Variants in SPINK5 observed in about 807,000 individuals in gnomAD.
The protein encoded by SPINK5 is serine protease inhibitor Kazal-type 5.
SPINK5 carries 125 observed loss-of-function variants against 151.8 expected under a neutral mutation model. The ratio of observed to expected loss-of-function variants is 0.82; its 90% confidence interval spans 0.71 to 0.96. The LOEUF is 0.96. SPINK5 is among the 40% of genes least tolerant of loss of function. The probability of loss-of-function intolerance (pLI) is 0.00; values close to 1 mark genes in which losing one functional copy is unlikely to be tolerated. For synonymous variants in SPINK5, 374 were observed against 395.3 expected (o/e 0.95, Z 0.64); for missense variants, 1,194 against 1,291.9 (o/e 0.92, Z 1.16).
intron 31 of SPINK5, 70 bp from the exon 32 acceptor site, chr5:148,133,727 G>T (rs1482456303): frequency 6.7e-7 from 1 of 1,489,584 alleles, no homozygotes; most frequent in African/African-American, 1.4e-5. Context: ...CCTGCATGTT[G>T]GTCCTTATTT....
Position 148,101,339 on chromosome 5 carries a change from A to G in SPINK5, c.1221-16A>G, listed in dbSNP as rs1167085296. ...CTATGATTTTTACTTATCTCTTCTT[A>G]ACCATCCTTTTTTAGCCAAGCAGAA... is the stretch of plus-strand genomic sequence containing the variant. On this transcript the variant is annotated splice_polypyrimidine_tract_variant and intron_variant, in intron 13 of 32. Coordinates refer to ENST00000256084, the MANE Select transcript of SPINK5 (RefSeq NM_006846.4). 1 of 1,573,788 alleles carries G rather than the reference A, an allele frequency of 6.4e-7. No homozygotes were observed. The highest frequency in any genetic ancestry group is 1.1e-5 in the South Asian group (1 of 90,342).
At chr5:148,077,144 A>C (rs1287065983) in intron 4 of SPINK5, among the ~76,000 whole-genome samples, 1 of 151,182 alleles carries the variant, frequency 6.6e-6, no homozygotes, top group East Asian at 2.0e-4. Context: ...AATAGGATAA[A>C]TATGAAGAGA....
intron 8 of SPINK5, among the ~76,000 whole-genome samples, chr5:148,091,893 G>C (rs1753321232): frequency 6.6e-6 from 1 of 151,498 alleles, no homozygotes; most frequent in Non-Finnish European, 1.5e-5. Flanking sequence ...AGCACTTTAG[G>C]TAATGCAGCC....
chr5:148,119,871 C>G lies in SPINK5; in HGVS notation c.2314-138C>G. 4 of 868,910 alleles carry G rather than the reference C, an allele frequency of 4.6e-6. No individual in the cohort carries two copies. In the South Asian group the frequency reaches 4.7e-5, roughly 10 times the overall value. The allele number at this position is 868,910 out of a possible 1,614,324, so 53.8% of individuals were successfully genotyped here. ...CAGGAATTAGAACATAGACGTCTCT[C>G]TCTGTGGGACATTATTTTGCCTATC... On this transcript the variant is annotated intron_variant, in intron 24 of 32. Coordinates refer to ENST00000256084, the MANE Select transcript of SPINK5 (RefSeq NM_006846.4).
intron 4 of SPINK5, among the ~76,000 whole-genome samples, chr5:148,081,661 A>G (rs552062660): frequency 1.3e-5 from 2 of 151,788 alleles, no homozygotes; most frequent in East Asian, 3.9e-4. Flanking sequence ...TCGTAGGGTG[A>G]TGAAAATATT....
At position 148,119,200 on chromosome 5, in the gene SPINK5, C is replaced by A. The variant is rs9325075; in HGVS notation, c.2313+142C>A. 575,332 of 733,628 alleles carry A rather than the reference C, an allele frequency of 0.78. 227,063 individuals carry two copies. Among genetic ancestry groups the A allele is most frequent in the East Asian group, 0.91 (33,287 of 36,632 alleles). The allele number at this position is 733,628 out of a possible 1,614,324, so 45.4% of individuals were successfully genotyped here. Reference sequence around the variant, plus strand: ...AGGAGTTACCAAGTTATCAGTGACTCTCACTGATAACTTGTTCAGTGAAGA... The same window carrying A: ...AGGAGTTACCAAGTTATCAGTGACTATCACTGATAACTTGTTCAGTGAAGA... On this transcript the variant is annotated intron_variant, in intron 24 of 32. Transcript: ENST00000256084.
chr5:148,094,641 C>T (rs1027818761), intron 9 of SPINK5, among the ~76,000 whole-genome samples, 160 bp downstream of exon 9: 4 of 151,948 alleles, frequency 2.6e-5, no homozygotes, highest in African/African-American at 9.7e-5. Context: ...AGTGAGCAGG[C>T]ACTACTGATG....
chr5:148,134,850 A>G (rs1375862284), intron 32 of SPINK5, among the ~76,000 whole-genome samples: 1 of 151,996 alleles, frequency 6.6e-6, no homozygotes, highest in Non-Finnish European at 1.5e-5. Flanking sequence ...CCACTGCCAC[A>G]AAAAGCTTTG....
intron 4 of SPINK5, among the ~76,000 whole-genome samples, chr5:148,082,309 TTA>T (rs1479382414): frequency 6.6e-6 from 1 of 151,244 alleles, no homozygotes; most frequent in African/African-American, 2.4e-5. Flanking sequence ...TTTAAAAAAT[TTA>T]TGACAAATAT....
chr5:148,117,040 A>G (rs1273011443), intron 22 of SPINK5, among the ~76,000 whole-genome samples: 1 of 152,214 alleles, frequency 6.6e-6, no homozygotes, highest in East Asian at 1.9e-4. Flanking sequence ...GGCATTTTTA[A>G]GTGTCAGCAT....
chr5:148,137,024 A>G lies in SPINK5; in HGVS notation c.*33A>G. On this transcript the variant is annotated 3_prime_UTR_variant, in exon 33 of 33. Coordinates refer to ENST00000256084, the MANE Select transcript of SPINK5 (RefSeq NM_006846.4). ...ATTGTTGAAAGCCATGAGGGAAAAAATAAACCCCAGTTCTGAATCACCTAC... is the reference window on the plus strand; with the variant it reads ...ATTGTTGAAAGCCATGAGGGAAAAAGTAAACCCCAGTTCTGAATCACCTAC... 1 of 1,613,458 alleles carries G rather than the reference A, an allele frequency of 6.2e-7. No individual in the cohort carries two copies. Among genetic ancestry groups the G allele is most frequent in the South Asian group, 1.1e-5 (1 of 91,060 alleles).
chr5:148,125,521 C>T (rs768906423), intron 28 of SPINK5: 1 of 1,613,258 alleles, frequency 6.2e-7, no homozygotes, highest in Admixed American at 1.7e-5. Flanking sequence ...CTACATTTTT[C>T]AGGACCAGTG....
In SPINK5 at chr5:148,097,864, C is replaced by T; in HGVS notation, c.883-3C>T. On this transcript the variant is annotated splice_region_variant and splice_polypyrimidine_tract_variant and intron_variant, in intron 10 of 32. Transcript: ENST00000256084. The stretch of plus-strand genomic sequence containing the variant: ...TCTCAACTTTTTCTTATTCATTATT[C>T]AGAAACTCTGCAGTCAATATCAAAA... The T allele has an allele frequency of 6.2e-7, 1 of 1,604,514 alleles. No individual in the cohort carries two copies. The highest frequency in any genetic ancestry group is 1.1e-5 in the South Asian group (1 of 90,826).
chr5:148,114,336 GCTTTCTC>G lies in SPINK5; in HGVS notation c.1888-21_1888-15del. 3 of 1,600,174 alleles carry G rather than the reference GCTTTCTC, an allele frequency of 1.9e-6. No homozygotes were observed. Among genetic ancestry groups the G allele is most frequent in the Non-Finnish European group, 2.6e-6 (3 of 1,173,384 alleles). ...AACTAATTTCCCAGAAGATACTCAA[GCTTTCTC>G]CTTTTCTTTTCCTTTTAGGAGACAT... is the stretch of plus-strand genomic sequence containing the variant. On this transcript the variant is annotated intron_variant, in intron 20 of 32. Transcript: ENST00000256084.
At chr5:148,091,355 C>A in intron 8 of SPINK5, 127 bp downstream of exon 8, 1 of 758,090 alleles carries the variant, frequency 1.3e-6, no homozygotes, top group Non-Finnish European at 2.1e-6. Flanking sequence ...TTCTTAATAT[C>A]AAAATTCCCC....
At chr5:148,095,380 G>C (rs887954427) in intron 9 of SPINK5, among the ~76,000 whole-genome samples, 4 of 151,890 alleles carry the variant, frequency 2.6e-5, no homozygotes, top group Non-Finnish European at 5.9e-5. Flanking sequence ...AATGAATGAA[G>C]ATATGAATGA....
Position 148,101,924 on chromosome 5 carries a change from G to A in SPINK5, c.1430+16G>A. On this transcript the variant is annotated intron_variant, in intron 15 of 32. Transcript: ENST00000256084. ...AGGCCTTCTTGTGAGTAGAGCAGTA[G>A]CCCCATAGCGTCTGAGGATTGAGCA... The A allele has an allele frequency of 6.2e-7, 1 of 1,613,260 alleles. No individual in the cohort carries two copies. Among genetic ancestry groups the A allele is most frequent in the East Asian group, 2.2e-5 (1 of 44,832 alleles).
chr5:148,115,628 G>A (rs746110963), intron 21 of SPINK5, among the ~76,000 whole-genome samples: 24 of 152,174 alleles, frequency 1.6e-4, no homozygotes, highest in Admixed American at 3.9e-4. Flanking sequence ...CAAGCTGAAG[G>A]ACAGTAAGCA....
At chr5:148,097,103 T>C (rs1255392392) in intron 10 of SPINK5, among the ~76,000 whole-genome samples, 1 of 116,494 alleles carries the variant, frequency 8.6e-6, no homozygotes, top group Non-Finnish European at 2.0e-5. Context: ...TTTTTTCTCT[T>C]TTCCTCCCTC....
Sources: gnomAD v4.1 joint callset for allele counts (sites outside exome capture counted in the v4.1 genomes callset) on GRCh38, gnomAD v4.1.1 for gene constraint, MANE v1.5 for transcripts, NCBI Gene and HGNC (gene_info 2026-07-23, HGNC 2026-07-21) for gene names.